Variants in RALGPS2 observed in about 807,000 individuals in gnomAD.
RALGPS2 encodes the protein ras-specific guanine nucleotide-releasing factor RalGPS2.
A neutral mutation model predicts 86.8 loss-of-function variants in RALGPS2; 43 were observed. The observed-to-expected ratio is 0.50, with a 90% confidence interval of 0.39 to 0.64. The LOEUF is 0.64. RALGPS2 is among the 30% of genes least tolerant of loss of function. The probability of loss-of-function intolerance (pLI) is 0.00; values close to 1 mark genes in which losing one functional copy is unlikely to be tolerated. For missense variants in RALGPS2, 536 were observed against 694.6 expected (o/e 0.77, Z 2.57); for synonymous variants, 243 against 231.3 (o/e 1.05, Z -0.46).
intron 2 of RALGPS2, among the ~76,000 whole-genome samples, chr1:178,780,065 A>C (rs777921479): frequency 6.6e-6 from 1 of 152,172 alleles, no homozygotes; most frequent in Non-Finnish European, 1.5e-5. Flanking sequence ...CACCACAACC[A>C]TTGTCTCATC....
chr1:178,797,597 G>A (rs1654256959), intron 4 of RALGPS2, among the ~76,000 whole-genome samples: 1 of 152,096 alleles, frequency 6.6e-6, no homozygotes, highest in African/African-American at 2.4e-5. Context: ...TATAAAAGTA[G>A]TCCAGAAAAG....
intron 1 of RALGPS2, among the ~76,000 whole-genome samples, chr1:178,767,649 C>T (rs955653805): frequency 5.3e-5 from 8 of 152,108 alleles, no homozygotes; most frequent in African/African-American, 7.2e-5. Context: ...CAGGCAGAAG[C>T]GGGACTGCTG....
intron 7 of RALGPS2, among the ~76,000 whole-genome samples, chr1:178,823,634 C>T (rs1329736099): frequency 6.6e-6 from 1 of 152,070 alleles, no homozygotes; most frequent in Non-Finnish European, 1.5e-5. Context: ...ATTCAAATGG[C>T]AGAGTGGTTA....
At chr1:178,872,712 ATTCT>A (rs1658823797) in intron 8 of RALGPS2, among the ~76,000 whole-genome samples, 1 of 152,208 alleles carries the variant, frequency 6.6e-6, no homozygotes, top group African/African-American at 2.4e-5. Flanking sequence ...GAGATAATAA[ATTCT>A]TTCTGAGCTT....
chr1:178,905,277 G>A (rs1660344738), intron 18 of RALGPS2, among the ~76,000 whole-genome samples: 1 of 152,150 alleles, frequency 6.6e-6, no homozygotes, highest in African/African-American at 2.4e-5. Flanking sequence ...ATTTTCATTG[G>A]ATTTAGTTAA....
At chr1:178,744,817 CAAAA>C (rs148175568) in intron 1 of RALGPS2, among the ~76,000 whole-genome samples, 2 of 66,030 alleles carry the variant, frequency 3.0e-5, no homozygotes, top group East Asian at 5.3e-4. Context: ...GACTCCATCT[CAAAA>C]AAAAAAAAAA....
intron 19 of RALGPS2, among the ~76,000 whole-genome samples, chr1:178,908,379 T>C (rs1249183817): frequency 1.3e-5 from 2 of 152,244 alleles, no homozygotes; most frequent in Non-Finnish European, 2.9e-5. Context: ...CTATAGTGTA[T>C]ACTGCTGGGA....
At chr1:178,741,876 G>A (rs1322993873) in intron 1 of RALGPS2, among the ~76,000 whole-genome samples, 7 of 152,040 alleles carry the variant, frequency 4.6e-5, no homozygotes, top group South Asian at 2.1e-4. Flanking sequence ...GGTGGCTCAC[G>A]CCTGTAATCC....
At chr1:178,753,678 C>A (rs1279014589) in intron 1 of RALGPS2, 1 of 152,096 alleles carries the variant, frequency 6.6e-6, no homozygotes, top group Non-Finnish European at 1.5e-5. Context: ...GCGTCTCTGT[C>A]TTATTATGGA....
chr1:178,765,952 T>C (rs1382819889), intron 1 of RALGPS2, among the ~76,000 whole-genome samples: 1 of 152,152 alleles, frequency 6.6e-6, no homozygotes, highest in Non-Finnish European at 1.5e-5. Flanking sequence ...GGTGCCCAGA[T>C]TTCTTATTGT....
intron 13 of RALGPS2, among the ~76,000 whole-genome samples, chr1:178,888,429 G>A (rs1182197264): frequency 1.3e-5 from 2 of 152,106 alleles, no homozygotes; most frequent in Non-Finnish European, 1.5e-5. Flanking sequence ...TAGAACAATG[G>A]CCTTAAACAT....
At chr1:178,868,249 A>T (rs1376989442) in intron 8 of RALGPS2, among the ~76,000 whole-genome samples, 1 of 151,960 alleles carries the variant, frequency 6.6e-6, no homozygotes, top group Non-Finnish European at 1.5e-5. Context: ...AACATTTATT[A>T]TATCTCCAGA....
chr1:178,836,763 CT>C (rs1558141905), intron 8 of RALGPS2, among the ~76,000 whole-genome samples: 1 of 151,934 alleles, frequency 6.6e-6, no homozygotes, highest in African/African-American at 2.4e-5. Context: ...CAGTCCACTT[CT>C]TTTCTTTCTT....
At chr1:178,735,435 T>C (rs1037430551) in intron 1 of RALGPS2, among the ~76,000 whole-genome samples, 14 of 149,166 alleles carry the variant, frequency 9.4e-5, no homozygotes, top group African/African-American at 3.4e-4. Flanking sequence ...TCTTTTCTTT[T>C]TTTTTTTTTT....
chr1:178,888,267 T>C lies in RALGPS2; in HGVS notation c.1193-1375T>C, dbSNP rs1334268786. Among the ~76,000 whole-genome samples the C allele has an allele frequency of 4.6e-5, 7 of 152,264 alleles. No homozygotes were observed. The East Asian group carries it at 1.4e-3, about 29-fold the overall frequency. ...CCTTCGAGGATTTTTGTTTTAAAGCTTTAACAATATGAAAAAAAGAATAAG... is the reference window on the plus strand; with the variant it reads ...CCTTCGAGGATTTTTGTTTTAAAGCCTTAACAATATGAAAAAAAGAATAAG... On this transcript the variant is annotated intron_variant, in intron 13 of 19. Coordinates refer to ENST00000367635, the MANE Select transcript of RALGPS2 (RefSeq NM_152663.5).
intron 7 of RALGPS2, among the ~76,000 whole-genome samples, chr1:178,829,002 A>G (rs1222925998): frequency 1.3e-5 from 2 of 152,238 alleles, no homozygotes; most frequent in Non-Finnish European, 2.9e-5. Context: ...CACAATAGCC[A>G]GGATATGGAA....
At chr1:178,853,526 T>C (rs1657321878) in intron 8 of RALGPS2, 1 of 1,233,318 alleles carries the variant, frequency 8.1e-7, no homozygotes, top group African/African-American at 1.6e-5. Context: ...TTGCATAGCA[T>C]CTTGTTTCTT....
intron 1 of RALGPS2, among the ~76,000 whole-genome samples, chr1:178,744,670 A>T (rs115687646): frequency 0.036 from 5,506 of 152,048 alleles, 123 homozygotes; most frequent in Middle Eastern, 0.058. Context: ...AAAAAAAATT[A>T]GCGCGGCATG....
chr1:178,784,407 C>G lies in RALGPS2; in HGVS notation c.58-11C>G. The G allele has an allele frequency of 1.3e-6, 2 of 1,586,448 alleles. No individual in the cohort carries two copies. Among genetic ancestry groups the G allele is most frequent in the East Asian group, 2.2e-5 (1 of 44,472 alleles). On this transcript the variant is annotated splice_polypyrimidine_tract_variant and intron_variant, in intron 2 of 19. Coordinates refer to ENST00000367635, the MANE Select transcript of RALGPS2 (RefSeq NM_152663.5). The stretch of plus-strand genomic sequence containing the variant: ...GTATGTAAAAGGCTGCATTTTCTTT[C>G]ACTTTAACAGAAAAGTAGCAGCTCT...
Sources: gnomAD v4.1 joint callset for allele counts (sites outside exome capture counted in the v4.1 genomes callset) on GRCh38, gnomAD v4.1.1 for gene constraint, MANE v1.5 for transcripts, NCBI Gene and HGNC (gene_info 2026-07-23, HGNC 2026-07-21) for gene names.